TENT5D: variants seen among roughly 807,000 people sequenced by gnomAD.
The protein encoded by TENT5D is cancer/testis antigen 112.
For missense variants in TENT5D, 191 were observed against 287.0 expected (o/e 0.67, Z 2.42); for synonymous variants, 103 against 100.6 (o/e 1.02, Z -0.15).
chrX:80,406,260 G>A (rs1054637865), intron 3 of TENT5D, among the ~76,000 whole-genome samples: 3 of 112,069 alleles, frequency 2.7e-5, no homozygotes, highest in East Asian at 2.8e-4. Flanking sequence ...GAATGACTTC[G>A]ACGAGCTGAG....
intron 1 of TENT5D, among the ~76,000 whole-genome samples, chrX:80,431,913 T>C (rs1602222718): frequency 9.0e-6 from 1 of 111,528 alleles, no homozygotes; most frequent in African/African-American, 3.3e-5. Flanking sequence ...GGATAGTTGC[T>C]TGGGGAGAAA....
chrX:80,412,349 G>T (rs1459173174), intron 3 of TENT5D, among the ~76,000 whole-genome samples: 1 of 112,471 alleles, frequency 8.9e-6, no homozygotes, highest in Non-Finnish European at 1.9e-5. Flanking sequence ...ACGTGGCCTG[G>T]AGACATTTTC....
intron 3 of TENT5D, among the ~76,000 whole-genome samples, chrX:80,395,333 C>T (rs778187826): frequency 1.2e-4 from 13 of 112,046 alleles, no homozygotes; most frequent in African/African-American, 3.6e-4. Flanking sequence ...TATGGGAGTA[C>T]AGATATCTCT....
At chrX:80,443,709 A>G in exon 3 of TENT5D, 2 of 1,156,665 alleles carry the variant, frequency 1.7e-6, no homozygotes, top group Non-Finnish European at 2.3e-6. Context: ...GTATGAGTTA[A>G]AAAATACACA....
chrX:80,364,246 C>G (rs1422045706), intron 3 of TENT5D, among the ~76,000 whole-genome samples: 1 of 111,349 alleles, frequency 9.0e-6, no homozygotes, highest in Non-Finnish European at 1.9e-5. Context: ...TAATGATTAC[C>G]CCTAATTCAG....
intron 3 of TENT5D, among the ~76,000 whole-genome samples, chrX:80,401,326 G>A (rs953537593): frequency 1.8e-4 from 20 of 111,301 alleles, no homozygotes; most frequent in African/African-American, 6.2e-4. Context: ...GGTGCTTAGG[G>A]TATTCTATGT....
chrX:80,392,673 C>T (rs1335371691), intron 3 of TENT5D, among the ~76,000 whole-genome samples: 20 of 103,071 alleles, frequency 1.9e-4, no homozygotes, highest in South Asian at 4.6e-4. Context: ...CCCGCCACCG[C>T]GCCCGGCTAA....
At chrX:80,364,708 T>C (rs1257413717) in intron 3 of TENT5D, among the ~76,000 whole-genome samples, 1 of 109,583 alleles carries the variant, frequency 9.1e-6, no homozygotes, top group African/African-American at 3.3e-5. Flanking sequence ...TATCTATATA[T>C]AATATGTAGA....
At chrX:80,418,387 A>G (rs1931819321), upstream of TENT5D, among the ~76,000 whole-genome samples, 1 of 111,369 alleles carries the variant, frequency 9.0e-6, no homozygotes, top group Admixed American at 9.6e-5. Context: ...CCTGGCCTCA[A>G]CAGATCCTCT....
chrX:80,409,007 A>G (rs1931570206), intron 3 of TENT5D, among the ~76,000 whole-genome samples: 1 of 111,218 alleles, frequency 9.0e-6, no homozygotes, highest in Admixed American at 9.6e-5. Context: ...CCACATGATT[A>G]TCTCAATAGA....
At chrX:80,373,001 C>T (rs1930656015) in intron 3 of TENT5D, among the ~76,000 whole-genome samples, 1 of 109,655 alleles carries the variant, frequency 9.1e-6, no homozygotes, top group African/African-American at 3.3e-5. Flanking sequence ...ATACATTTCC[C>T]TTTTTGCCTA....
At chrX:80,388,736 G>A (rs1409271350) in intron 3 of TENT5D, among the ~76,000 whole-genome samples, 1 of 111,660 alleles carries the variant, frequency 9.0e-6, no homozygotes, top group Non-Finnish European at 1.9e-5. Flanking sequence ...TTACTTACTT[G>A]GCTGCTGCAA....
chrX:80,385,547 G>T (rs1930977164), intron 3 of TENT5D, among the ~76,000 whole-genome samples: 1 of 111,968 alleles, frequency 8.9e-6, no homozygotes, highest in Non-Finnish European at 1.9e-5. Context: ...AAAAGCAATG[G>T]CAGCAAAAGC....
chrX:80,407,128 A>G (rs1442141225), intron 3 of TENT5D, among the ~76,000 whole-genome samples: 1 of 109,219 alleles, frequency 9.2e-6, no homozygotes, highest in African/African-American at 3.3e-5. Flanking sequence ...AACAACCGGT[A>G]CCAGCCACTG....
intron 3 of TENT5D, among the ~76,000 whole-genome samples, chrX:80,387,364 A>G (rs1289926215): frequency 8.9e-6 from 1 of 111,745 alleles, no homozygotes; most frequent in African/African-American, 3.3e-5. Context: ...GCTCATTTGT[A>G]TCTATCCTCC....
intron 3 of TENT5D, among the ~76,000 whole-genome samples, chrX:80,352,294 A>G (rs910648897): frequency 2.7e-5 from 3 of 111,811 alleles, no homozygotes; most frequent in Admixed American, 9.5e-5. Context: ...GCTCTGTCCC[A>G]GTGAGATGGG....
At chrX:80,364,282 A>G (rs1930464192) in intron 3 of TENT5D, among the ~76,000 whole-genome samples, 1 of 111,371 alleles carries the variant, frequency 9.0e-6, no homozygotes, top group Admixed American at 9.6e-5. Context: ...ACCCATACAC[A>G]CACACACTTT....
At chrX:80,342,738 G>A (rs1488824481) in intron 3 of TENT5D, among the ~76,000 whole-genome samples, 1 of 111,918 alleles carries the variant, frequency 8.9e-6, no homozygotes, top group African/African-American at 3.2e-5. Flanking sequence ...GTAGAAAAGA[G>A]TATCTTGAAA....
chrX:80,350,435 T>C (rs1366339164), intron 3 of TENT5D, among the ~76,000 whole-genome samples: 1 of 111,231 alleles, frequency 9.0e-6, no homozygotes, highest in East Asian at 2.8e-4. Context: ...TCTTTGTTGG[T>C]TTAAAGTCTT....
Sources: allele counts gnomAD v4.1 joint callset (sites outside exome capture counted in the v4.1 genomes callset), GRCh38; gene constraint gnomAD v4.1.1; transcripts MANE v1.5; gene names NCBI Gene and HGNC (gene_info 2026-07-23, HGNC 2026-07-21).